Variants in IGSF9B observed in about 807,000 individuals in gnomAD.
The protein encoded by IGSF9B is immunoglobulin superfamily member 9B.
Under a neutral mutation model 143.7 loss-of-function variants are expected in IGSF9B, and 48 were observed. That is an observed-to-expected ratio of 0.33 (90% confidence interval 0.26 to 0.42). The LOEUF (loss-of-function observed/expected upper bound fraction) is 0.42, where lower values mean the gene tolerates loss of function less well. Among genes scored for constraint, IGSF9B ranks in the 20% least tolerant of loss-of-function variants. The pLI is 1.00. For missense variants in IGSF9B, 1,706 were observed against 1,980.0 expected, an observed-to-expected ratio of 0.86 and a Z score of 2.63; for synonymous variants, 903 against 833.1, an observed-to-expected ratio of 1.08 and a Z score of -1.44.
In IGSF9B at chr11:133,922,606, G is replaced by C. The variant is rs975380338; in HGVS notation, c.2244C>G (p.Val748=). ...ILFSTLAACF[V]NKQRKRKLKR... is the part of the protein sequence containing the mutation. ...TGAGCTTACGCTTGCGCTGCTTGTTGACAAAGCAGGCAGCCAGGGTGCTGA... is the reference window on the plus strand; with the variant it reads ...TGAGCTTACGCTTGCGCTGCTTGTTCACAAAGCAGGCAGCCAGGGTGCTGA... Residue 748 remains valine, a synonymous_variant, in exon 16 of 20, where the codon GTC becomes GTG. Transcript: ENST00000533871. The C allele has an allele frequency of 6.2e-7, 1 of 1,610,408 alleles. No homozygotes were observed. Among genetic ancestry groups the C allele is most frequent in the Non-Finnish European group, 8.5e-7 (1 of 1,178,512 alleles).
rs368869344 is a variant in IGSF9B at position 133,938,007 on chromosome 11, C to A, written c.410-46G>T. 10 of 1,596,954 alleles carry A rather than the reference C, an allele frequency of 6.3e-6. No homozygotes were observed. The African/African-American group carries it at 1.3e-4, about 21-fold the overall frequency. The stretch of plus-strand genomic sequence containing the variant: ...ATGAAGGACACGCCATCAGCCACAT[C>A]GCTGCCCTGCAACAACAGTACCTGC... On this transcript the variant is annotated intron_variant, in intron 3 of 19. Coordinates refer to ENST00000533871, the MANE Select transcript of IGSF9B (RefSeq NM_001277285.4).
rs1057040491 is a variant in IGSF9B at position 133,953,527 on chromosome 11, A to G, written c.64+3164T>C. On this transcript the variant is annotated intron_variant, in intron 1 of 19. Coordinates refer to ENST00000533871, the MANE Select transcript of IGSF9B (RefSeq NM_001277285.4). The surrounding 1 kb of genome is among the most constrained non-coding windows in gnomAD (Gnocchi z 4.2). ...TAGCAACCTCTGAGTCCAAACCTCC[A>G]CCCTCCCATCTTCATTACCAAAAGG... is the stretch of plus-strand genomic sequence containing the variant. 2.6e-5 allele frequency among the ~76,000 whole-genome samples: 4 copies of G among 152,058 alleles called. No individual in the cohort carries two copies. Among genetic ancestry groups the G allele is most frequent in the African/African-American group, 9.7e-5 (4 of 41,402 alleles).
chr11:133,926,705 CAA>C (rs1939632249), intron 13 of IGSF9B, among the ~76,000 whole-genome samples: 1 of 152,252 alleles, frequency 6.6e-6, no homozygotes, highest in African/African-American at 2.4e-5. Flanking sequence ...CCTGAAAAAG[CAA>C]CAGGAATTCG....
chr11:133,926,736 C>T (rs996869195), intron 13 of IGSF9B, among the ~76,000 whole-genome samples, 180 bp downstream of exon 13: 1 of 152,258 alleles, frequency 6.6e-6, no homozygotes, highest in Non-Finnish European at 1.5e-5. Context: ...CACTCTGATG[C>T]AGGACCAGCA....
intron 13 of IGSF9B, among the ~76,000 whole-genome samples, chr11:133,926,416 A>G (rs1433753330): frequency 1.3e-5 from 2 of 152,168 alleles, no homozygotes; most frequent in African/African-American, 4.8e-5. Flanking sequence ...CGCGCCACCT[A>G]CACCACCTAG....
Position 133,903,948 on chromosome 11 carries a change from A to T in IGSF9B, c.*5121T>A, listed in dbSNP as rs965541645. ...GAAGAGATTTTTCATTCTGCCTCTTAATCTAAAAAGAAGCAGAGCTGGAGA... is the reference window on the plus strand; with the variant it reads ...GAAGAGATTTTTCATTCTGCCTCTTTATCTAAAAAGAAGCAGAGCTGGAGA... On this transcript the variant is annotated 3_prime_UTR_variant, in exon 20 of 20. Coordinates refer to ENST00000533871, the MANE Select transcript of IGSF9B (RefSeq NM_001277285.4). 9.2e-5 allele frequency among the ~76,000 whole-genome samples: 14 copies of T among 152,178 alleles called. No homozygotes were observed. Among genetic ancestry groups the T allele is most frequent in the Non-Finnish European group, 1.3e-4 (9 of 68,032 alleles).
At chr11:133,942,026 G>A (rs1023225643) in intron 3 of IGSF9B, among the ~76,000 whole-genome samples, 7 of 152,168 alleles carry the variant, frequency 4.6e-5, no homozygotes, top group African/African-American at 1.7e-4. Flanking sequence ...CCCAGAGCCT[G>A]CCACAGAGTG....
rs138619089 is a variant in IGSF9B, at chr11:133,948,244, C to G, written c.65-1986G>C. ...TGTGTGTCTTGTTCTCCCCCTCCCCCTCCCCTGCAAGTTGCGGAAGAGGGA... is the reference window on the plus strand; with the variant it reads ...TGTGTGTCTTGTTCTCCCCCTCCCCGTCCCCTGCAAGTTGCGGAAGAGGGA... On this transcript the variant is annotated intron_variant, in intron 1 of 19. Coordinates refer to ENST00000533871, the MANE Select transcript of IGSF9B (RefSeq NM_001277285.4). This position sits in a 1 kb window ranked among gnomAD's most constrained non-coding sequence, Gnocchi z 4.7. Among the ~76,000 whole-genome samples, 1 of 152,166 alleles carries G rather than the reference C, an allele frequency of 6.6e-6. No homozygotes were observed.
rs1267059443 is a variant in IGSF9B, at chr11:133,907,392, C to T, written c.*1677G>A. ...TGAGACCAGCAGAAGCCATCCAATG[C>T]TGCCGTGGCTCACGTCCAAGCAGGG... On this transcript the variant is annotated 3_prime_UTR_variant, in exon 20 of 20. Coordinates refer to ENST00000533871, the MANE Select transcript of IGSF9B (RefSeq NM_001277285.4). Among the ~76,000 whole-genome samples the T allele has an allele frequency of 6.6e-6, 1 of 152,254 alleles. No homozygotes were observed. The highest frequency in any genetic ancestry group is 2.4e-5 in the African/African-American group (1 of 41,466).
chr11:133,905,570 C>A lies in IGSF9B; in HGVS notation c.*3499G>T, dbSNP rs1255431367. 6.6e-6 allele frequency among the ~76,000 whole-genome samples: 1 copy of A among 152,218 alleles called. No individual in the cohort carries two copies. The highest frequency in any genetic ancestry group is 2.4e-5 in the African/African-American group (1 of 41,446). ...GCATGGAAAAATAACAAGAAATACT[C>A]GGCTCAATCCACCCGGCTTCAGTCT... On this transcript the variant is annotated 3_prime_UTR_variant, in exon 20 of 20. Coordinates refer to ENST00000533871, the MANE Select transcript of IGSF9B (RefSeq NM_001277285.4). This position sits in a 1 kb window ranked among gnomAD's most constrained non-coding sequence, Gnocchi z 4.0.
rs1939093497 is a variant in IGSF9B at position 133,900,084 on chromosome 11, G to C, written c.*8985C>G. The C allele has an allele frequency of 1.5e-5, 2 of 131,882 alleles. No homozygotes were observed. The highest frequency in any genetic ancestry group is 3.5e-5 in the Non-Finnish European group (2 of 57,708). 8.2% of individuals were successfully genotyped at this position (131,882 alleles called of 1,614,324 possible). On this transcript the variant is annotated 3_prime_UTR_variant, in exon 20 of 20. Coordinates refer to ENST00000533871, the MANE Select transcript of IGSF9B (RefSeq NM_001277285.4). The stretch of plus-strand genomic sequence containing the variant: ...TCATAGGTCCATGTAAGGATCAAGA[G>C]TTAGACTCAAGCTTTACCCCAACCT...
chr11:133,922,404 T>TGC (rs1939557906), intron 16 of IGSF9B, among the ~76,000 whole-genome samples, 165 bp downstream of exon 16: 1 of 152,184 alleles, frequency 6.6e-6, no homozygotes, highest in African/African-American at 2.4e-5. Context: ...CCACCACCCC[T>TGC]GCTTCTTACC....
rs1010066935 is a variant in IGSF9B at position 133,900,605 on chromosome 11, C to G, written c.*8464G>C. The G allele has an allele frequency of 1.3e-5, 2 of 152,632 alleles. No individual in the cohort carries two copies. Among genetic ancestry groups the G allele is most frequent in the African/African-American group, 4.8e-5 (2 of 41,438 alleles). 9.5% of individuals were successfully genotyped at this position (152,632 alleles called of 1,614,324 possible). On this transcript the variant is annotated 3_prime_UTR_variant, in exon 20 of 20. Transcript: ENST00000533871. ...GGCCAGAAGGAAGGTTCCACTAAGA[C>G]CCCCTCTCCCAGGCCGGCCCACAGT...
At chr11:133,918,427 G>A (rs950004584) in intron 18 of IGSF9B, among the ~76,000 whole-genome samples, 83 of 152,088 alleles carry the variant, frequency 5.5e-4, no homozygotes, top group Non-Finnish European at 1.5e-4. Flanking sequence ...CGTGGGGGAG[G>A]GAGGAGGAGA....
In IGSF9B at chr11:133,928,037, A is replaced by G. The variant is rs1316084991; in HGVS notation, c.1632-946T>C. Among the ~76,000 whole-genome samples the G allele has an allele frequency of 1.3e-5, 2 of 152,172 alleles. No individual in the cohort carries two copies. Among genetic ancestry groups the G allele is most frequent in the Non-Finnish European group, 2.9e-5 (2 of 68,020 alleles). On this transcript the variant is annotated intron_variant, in intron 12 of 19. Transcript: ENST00000533871. The surrounding 1 kb of genome is among the most constrained non-coding windows in gnomAD (Gnocchi z 4.7). ...GCCCCGCCCTTCCCTGGCCCAGGCAACAAAGCAGCGAGGAGCCACGTGTGG... is the reference window on the plus strand; with the variant it reads ...GCCCCGCCCTTCCCTGGCCCAGGCAGCAAAGCAGCGAGGAGCCACGTGTGG...
chr11:133,919,129 T>TGGGGGGGGGGGAGGGGGGGGGGGGGG, intron 18 of IGSF9B: 1 of 174,382 alleles, frequency 5.7e-6, no homozygotes, highest in Non-Finnish European at 1.1e-5. Flanking sequence ...GGGGGGGGGG[T>TGGGGGGGGGGGAGGGGGGGGGGGGGG]GGGGGACGTG....
Position 133,948,825 on chromosome 11 carries a change from G to A in IGSF9B, c.65-2567C>T, listed in dbSNP as rs1232670988. On this transcript the variant is annotated intron_variant, in intron 1 of 19. Coordinates refer to ENST00000533871, the MANE Select transcript of IGSF9B (RefSeq NM_001277285.4). This position sits in a 1 kb window ranked among gnomAD's most constrained non-coding sequence, Gnocchi z 4.7. ...CCAGGCAGGAGGAACAGAGGCCTAG[G>A]GGGACAGCAGGCACCTCCAACAGTG... 6.6e-6 allele frequency among the ~76,000 whole-genome samples: 1 copy of A among 152,164 alleles called. No individual in the cohort carries two copies.
At position 133,909,413 on chromosome 11, in the gene IGSF9B, AC is replaced by A; in HGVS notation, c.4106-137del. On this transcript the variant is annotated intron_variant, in intron 19 of 19. Transcript: ENST00000533871. The surrounding 1 kb of genome is among the most constrained non-coding windows in gnomAD (Gnocchi z 4.2). ...AAAGGAATCACCTGAGTCTAGAGAG[AC>A]CAGACCGAATTGCTGCAGAGAAACC... 1 of 727,034 alleles carries A rather than the reference AC, an allele frequency of 1.4e-6. No homozygotes were observed. 45.0% of individuals were successfully genotyped at this position (727,034 alleles called of 1,614,324 possible). A position where few individuals can be genotyped will look rare whatever the true frequency, so the allele number is the denominator to read the frequency against.
At position 133,906,305 on chromosome 11, in the gene IGSF9B, C is replaced by T. The variant is rs7939140; in HGVS notation, c.*2764G>A. Among the ~76,000 whole-genome samples, 6,739 of 152,320 alleles carry T rather than the reference C, an allele frequency of 0.044. 463 individuals carry two copies. Among genetic ancestry groups the T allele is most frequent in the African/African-American group, 0.15 (6,035 of 41,546 alleles). The stretch of plus-strand genomic sequence containing the variant: ...CTGTGACATCTTCACCCTCTATCCA[C>T]GGAGGGAACTGCGTTCCACCAATCC... On this transcript the variant is annotated 3_prime_UTR_variant, in exon 20 of 20. Transcript: ENST00000533871.
Sources: gnomAD v4.1 joint callset for allele counts (sites outside exome capture counted in the v4.1 genomes callset) on GRCh38, gnomAD v4.1.1 for gene constraint, Gnocchi (gnomAD v3.1) non-coding constraint, MANE v1.5 for transcripts, NCBI Gene and HGNC (gene_info 2026-07-23, HGNC 2026-07-21) for gene names.